AP2B1: variants seen among roughly 807,000 people sequenced by gnomAD.
AP2B1 encodes the protein AP-2 complex subunit beta.
Under a neutral mutation model 102.0 loss-of-function variants are expected in AP2B1, and 23 were observed. That is an observed-to-expected ratio of 0.23 (90% CI 0.16 to 0.32). The LOEUF (loss-of-function observed/expected upper bound fraction) is 0.32. Among genes scored for constraint, AP2B1 ranks in the 10% least tolerant of loss-of-function variants. The pLI, the probability that AP2B1 is intolerant of heterozygous loss-of-function variation, is 1.00. For missense variants in AP2B1, 541 were observed against 1,157.4 expected (o/e 0.47, Z 7.73); for synonymous variants, 381 against 421.2 (o/e 0.90, Z 1.17).
chr17:35,598,869 G>C (rs1050330058), intron 3 of AP2B1, among the ~76,000 whole-genome samples: 1 of 152,140 alleles, frequency 6.6e-6, no homozygotes, highest in African/African-American at 2.4e-5. Flanking sequence ...AGACCCTTTC[G>C]GGGGGTCCGT....
chr17:35,713,181 A>C (rs1598352860), intron 20 of AP2B1, among the ~76,000 whole-genome samples: 1 of 152,200 alleles, frequency 6.6e-6, no homozygotes, highest in Non-Finnish European at 1.5e-5. Flanking sequence ...CTCAGAGCAA[A>C]TTCAGTTTTG....
At chr17:35,623,993 C>T (rs2074252312) in intron 5 of AP2B1, among the ~76,000 whole-genome samples, 1 of 152,142 alleles carries the variant, frequency 6.6e-6, no homozygotes, top group Non-Finnish European at 1.5e-5. Flanking sequence ...ACATATACAG[C>T]TACACAACTA....
At chr17:35,598,044 T>C (rs2073351299) in intron 2 of AP2B1, among the ~76,000 whole-genome samples, 186 bp from the exon 3 acceptor site, 1 of 152,222 alleles carries the variant, frequency 6.6e-6, no homozygotes, top group Non-Finnish European at 1.5e-5. Flanking sequence ...TTTTAAAACT[T>C]ACTGATGGCT....
At chr17:35,710,417 C>T (rs1444224739) in intron 20 of AP2B1, 97 bp downstream of exon 20, 19 of 793,802 alleles carry the variant, frequency 2.4e-5, no homozygotes, top group South Asian at 3.4e-5. Context: ...TATCCTCCCC[C>T]GTATCTACTA....
At chr17:35,599,880 A>G (rs2142343355) in intron 3 of AP2B1, among the ~76,000 whole-genome samples, 1 of 152,264 alleles carries the variant, frequency 6.6e-6, no homozygotes, top group Admixed American at 6.5e-5. Context: ...ACTGCACTCC[A>G]GCTTAGGCAA....
chr17:35,613,770 T>C (rs1280286319), intron 5 of AP2B1, among the ~76,000 whole-genome samples: 1 of 152,254 alleles, frequency 6.6e-6, no homozygotes, highest in Non-Finnish European at 1.5e-5. Flanking sequence ...GCTACAATAT[T>C]AATTTAAAAG....
chr17:35,716,961 A>G (rs1370916821), intron 20 of AP2B1, among the ~76,000 whole-genome samples: 1 of 152,196 alleles, frequency 6.6e-6, no homozygotes, highest in Non-Finnish European at 1.5e-5. Flanking sequence ...GCACTAAACC[A>G]TAGGTGTACC....
chr17:35,720,571 A>ATG (rs1164042261), intron 21 of AP2B1, among the ~76,000 whole-genome samples: 2 of 44,204 alleles, frequency 4.5e-5, no homozygotes, highest in Non-Finnish European at 7.8e-5. Flanking sequence ...ATATATATAT[A>ATG]TATTTTTTTT....
At chr17:35,689,918 T>G (rs183416100) in intron 18 of AP2B1, among the ~76,000 whole-genome samples, 2 of 152,236 alleles carry the variant, frequency 1.3e-5, no homozygotes, top group Non-Finnish European at 2.9e-5. Flanking sequence ...CTATTATGCA[T>G]GTAGTTGTTT....
In AP2B1 at chr17:35,724,740, C is replaced by G. The variant is rs1459393258; in HGVS notation, c.*1041C>G. 1 of 152,230 alleles carries G rather than the reference C, an allele frequency of 6.6e-6. No individual in the cohort carries two copies. The highest frequency in any genetic ancestry group is 2.4e-5 in the African/African-American group (1 of 41,450). 9.4% of individuals were successfully genotyped at this position (152,230 alleles called of 1,614,324 possible). A position where few individuals can be genotyped will look rare whatever the true frequency, so the allele number is the denominator to read the frequency against. On this transcript the variant is annotated 3_prime_UTR_variant, in exon 22 of 22. Transcript: ENST00000610402. The stretch of plus-strand genomic sequence containing the variant: ...GCCGAGACCGAGTCTCCTAAGTCCC[C>G]GTCAGTGTGGTTTTCACCACAGGAC...
intron 14 of AP2B1, among the ~76,000 whole-genome samples, chr17:35,666,655 G>T (rs2075471987): frequency 6.6e-6 from 1 of 152,114 alleles, no homozygotes; most frequent in African/African-American, 2.4e-5. Flanking sequence ...TTAAAACACA[G>T]TATCTAGACA....
chr17:35,643,000 C>T (rs1298216442), intron 12 of AP2B1, among the ~76,000 whole-genome samples: 3 of 148,934 alleles, frequency 2.0e-5, no homozygotes, highest in African/African-American at 7.4e-5. Context: ...AAAACAATTT[C>T]TTTATTCCTC....
intron 19 of AP2B1, 122 bp from the exon 20 acceptor site, chr17:35,710,112 C>T (rs1198962102): frequency 4.1e-6 from 3 of 728,478 alleles, no homozygotes; most frequent in Non-Finnish European, 7.4e-6. Context: ...GCTCCATTCC[C>T]AGCCTGCTGC....
intron 4 of AP2B1, among the ~76,000 whole-genome samples, chr17:35,606,728 C>G (rs947534971): frequency 1.3e-5 from 2 of 152,056 alleles, no homozygotes; most frequent in African/African-American, 4.8e-5. Flanking sequence ...AAATCCTGAA[C>G]ATCATATATT....
chr17:35,591,665 T>C lies in AP2B1; in HGVS notation c.-23-2343T>C, dbSNP rs188091186. Among the ~76,000 whole-genome samples, 13 of 152,374 alleles carry C rather than the reference T, an allele frequency of 8.5e-5. No individual in the cohort carries two copies. In the East Asian group the frequency reaches 1.9e-3, roughly 23 times the overall value. On this transcript the variant is annotated intron_variant, in intron 1 of 21. Transcript: ENST00000610402. The stretch of plus-strand genomic sequence containing the variant: ...GGCTCAAGTAATCGTTTCTGTTTAC[T>C]GGTTTTTCTGTTTGTATATATACAT...
At chr17:35,674,904 A>G (rs116221571) in intron 17 of AP2B1, among the ~76,000 whole-genome samples, 191 of 152,332 alleles carry the variant, frequency 1.3e-3, no homozygotes, top group African/African-American at 4.1e-3. Context: ...TAAATTTTTA[A>G]CTGAAATCCA....
intron 5 of AP2B1, among the ~76,000 whole-genome samples, chr17:35,622,883 C>G (rs1761984521): frequency 6.6e-6 from 1 of 152,048 alleles, no homozygotes; most frequent in African/African-American, 2.4e-5. Flanking sequence ...CCAGGCTGGT[C>G]TCGAACTCCT....
intron 17 of AP2B1, 91 bp downstream of exon 17, chr17:35,674,412 T>C: frequency 6.8e-7 from 1 of 1,478,988 alleles, no homozygotes; most frequent in Non-Finnish European, 9.3e-7. Context: ...GGTTAAAAAC[T>C]CACATATTGG....
At position 35,627,613 on chromosome 17, in the gene AP2B1, A is replaced by G. The variant is rs370944375; in HGVS notation, c.1060-18A>G. On this transcript the variant is annotated intron_variant, in intron 8 of 21. Coordinates refer to ENST00000610402, the MANE Select transcript of AP2B1 (RefSeq NM_001030006.2). ...ATTTGAGAATCCTTAATGATTAACC[A>G]CTTCCTGGGTTTAACAGGTTCTGGC... is the stretch of plus-strand genomic sequence containing the variant. 3.6e-5 allele frequency: 58 copies of G among 1,613,506 alleles called. No individual in the cohort carries two copies. The highest frequency in any genetic ancestry group is 3.2e-4 in the African/African-American group (24 of 75,010).
Sources: allele counts gnomAD v4.1 joint callset (sites outside exome capture counted in the v4.1 genomes callset), GRCh38; gene constraint gnomAD v4.1.1; transcripts MANE v1.5; gene names NCBI Gene and HGNC (gene_info 2026-07-23, HGNC 2026-07-21).